The following HEPHL1 variants were observed in gnomAD, a reference collection of about 807,000 sequenced individuals.
The protein encoded by HEPHL1 is hephaestin like 1.
HEPHL1 carries 123 observed loss-of-function variants against 122.0 expected under a neutral mutation model. That is an observed-to-expected ratio of 1.01 (90% CI 0.87 to 1.17). HEPHL1 has a LOEUF of 1.17. Ranked by LOEUF, HEPHL1 falls within the 50% of genes most tolerant of loss-of-function variation. HEPHL1 has a pLI of 0.00. For missense variants in HEPHL1, 1,452 were observed against 1,430.5 expected (o/e 1.01, Z -0.24); for synonymous variants, 527 against 508.9 (o/e 1.04, Z -0.48).
intron 13 of HEPHL1, among the ~76,000 whole-genome samples, chr11:94,100,427 A>G (rs1444321038): frequency 1.3e-5 from 2 of 152,138 alleles, no homozygotes; most frequent in Non-Finnish European, 2.9e-5. Flanking sequence ...ATGCTGCCAC[A>G]GGCCCTCTGA....
At chr11:94,024,951 G>T (rs1591457664) in intron 1 of HEPHL1, among the ~76,000 whole-genome samples, 2 of 152,192 alleles carry the variant, frequency 1.3e-5, no homozygotes, top group Admixed American at 1.3e-4. Flanking sequence ...GAGTTGTTCT[G>T]GTTGTTTTAT....
rs751638993 is a variant in HEPHL1 at position 94,082,449 on chromosome 11, TCA to T, written c.1751_1752del (p.Thr584SerfsTer3). The stretch of plus-strand genomic sequence containing the variant: ...ATAGACAAGGAGTTTTACCTACTGT[TCA>T]CAGTCTTTGATGAGAATCTGAGCAG... On this transcript the variant is annotated frameshift_variant, in exon 10 of 20. Transcript: ENST00000315765. LOFTEE classifies it high-confidence loss of function. 1.1e-5 allele frequency: 18 copies of T among 1,612,494 alleles called. No individual in the cohort carries two copies. Among genetic ancestry groups the T allele is most frequent in the Middle Eastern group, 1.7e-4 (1 of 6,056 alleles).
intron 6 of HEPHL1, among the ~76,000 whole-genome samples, chr11:94,072,753 G>C (rs1025283886): frequency 6.6e-6 from 1 of 152,056 alleles, no homozygotes; most frequent in Non-Finnish European, 1.5e-5. Context: ...TCTACTATTG[G>C]TAAATAAGGA....
At chr11:94,057,064 G>A (rs576753503) in intron 2 of HEPHL1, among the ~76,000 whole-genome samples, 1 of 152,118 alleles carries the variant, frequency 6.6e-6, no homozygotes, top group Admixed American at 6.5e-5. Context: ...TGGCACTTTA[G>A]GTATATCATC....
chr11:94,058,715 A>T lies in HEPHL1; in HGVS notation c.416-4793A>T, dbSNP rs953873871. Among the ~76,000 whole-genome samples, 8 of 152,088 alleles carry T rather than the reference A, an allele frequency of 5.3e-5. No homozygotes were observed. In the South Asian group the frequency reaches 1.2e-3, roughly 24 times the overall value. ...TAAAAATAAATTTTATTGTTTTTTAAATTTTATTTTTATTTTATTTGTTTT... is the reference window on the plus strand; with the variant it reads ...TAAAAATAAATTTTATTGTTTTTTATATTTTATTTTTATTTTATTTGTTTT... On this transcript the variant is annotated intron_variant, in intron 2 of 19. Coordinates refer to ENST00000315765, the MANE Select transcript of HEPHL1 (RefSeq NM_001098672.2).
intron 1 of HEPHL1, among the ~76,000 whole-genome samples, chr11:94,026,227 A>G (rs1163230302): frequency 6.6e-6 from 1 of 152,220 alleles, no homozygotes; most frequent in Non-Finnish European, 1.5e-5. Context: ...GGCAAAAGGT[A>G]GAAGCAGAAC....
At chr11:94,043,949 A>T (rs548023572) in intron 1 of HEPHL1, among the ~76,000 whole-genome samples, 21 of 152,070 alleles carry the variant, frequency 1.4e-4, no homozygotes, top group Non-Finnish European at 2.5e-4. Flanking sequence ...GATAACTGAG[A>T]GAGAATAAAT....
In HEPHL1 at chr11:94,064,298, C is replaced by A. The variant is rs760232801; in HGVS notation, c.629-33C>A. The stretch of plus-strand genomic sequence containing the variant: ...AAGCAAAGCTCATCTTGATTTAGTT[C>A]TTTCTCTCTACTCTTTTGAATGTGC... On this transcript the variant is annotated intron_variant, in intron 3 of 19. Coordinates refer to ENST00000315765, the MANE Select transcript of HEPHL1 (RefSeq NM_001098672.2). 29 of 1,545,366 alleles carry A rather than the reference C, an allele frequency of 1.9e-5. No individual in the cohort carries two copies. The South Asian group carries it at 3.3e-4, about 18-fold the overall frequency.
chr11:94,082,271 T>A, intron 9 of HEPHL1, 147 bp from the exon 10 acceptor site: 1 of 509,274 alleles, frequency 2.0e-6, no homozygotes, highest in Non-Finnish European at 3.4e-6. Flanking sequence ...ACATTCAGTA[T>A]CTTTATTTAA....
chr11:94,107,020 T>C (rs1466912210), intron 17 of HEPHL1, among the ~76,000 whole-genome samples: 1 of 152,060 alleles, frequency 6.6e-6, no homozygotes, highest in African/African-American at 2.4e-5. Flanking sequence ...AAAACCCAAC[T>C]GCCAGGCCCG....
intron 13 of HEPHL1, among the ~76,000 whole-genome samples, chr11:94,100,362 G>A (rs1037288255): frequency 6.6e-6 from 1 of 152,186 alleles, no homozygotes; most frequent in Non-Finnish European, 1.5e-5. Context: ...GAGAGCCATA[G>A]GGATCAGGCA....
At chr11:94,064,168 G>C (rs1946013215) in intron 3 of HEPHL1, among the ~76,000 whole-genome samples, 163 bp from the exon 4 acceptor site, 1 of 152,090 alleles carries the variant, frequency 6.6e-6, no homozygotes, top group African/African-American at 2.4e-5. Flanking sequence ...CTCTTCTATG[G>C]CTCTGTCATC....
intron 1 of HEPHL1, among the ~76,000 whole-genome samples, chr11:94,031,406 G>C (rs1040931367): frequency 1.3e-5 from 2 of 149,740 alleles, no homozygotes; most frequent in Non-Finnish European, 3.0e-5. Flanking sequence ...TCTGCAATTT[G>C]CTTTTTTTTT....
chr11:94,023,545 T>C (rs571804970), intron 1 of HEPHL1, among the ~76,000 whole-genome samples: 1 of 152,114 alleles, frequency 6.6e-6, no homozygotes, highest in Non-Finnish European at 1.5e-5. Flanking sequence ...CAATAAAACA[T>C]ATAAAAATTG....
Position 94,106,269 on chromosome 11 carries a change from G to A in HEPHL1, c.3045+139G>A, listed in dbSNP as rs188275446. ...TGGAACAGAATAATGTGATTGTACC[G>A]TTTCCCTGGTGGATATTTCTTTTCT... On this transcript the variant is annotated intron_variant, in intron 17 of 19. Transcript: ENST00000315765. The A allele has an allele frequency of 1.8e-3, 990 of 546,588 alleles. 5 individuals carry two copies. The highest frequency in any genetic ancestry group is 9.3e-3 in the African/African-American group (481 of 51,598). The allele number at this position is 546,588 out of a possible 1,614,324, so 33.9% of individuals were successfully genotyped here. A position where few individuals can be genotyped will look rare whatever the true frequency, so the allele number is the denominator to read the frequency against.
At chr11:94,065,889 T>C (rs942580313) in intron 4 of HEPHL1, among the ~76,000 whole-genome samples, 2 of 152,152 alleles carry the variant, frequency 1.3e-5, no homozygotes, top group African/African-American at 2.4e-5. Context: ...ACATGTATCA[T>C]AAAAAGAAGC....
chr11:94,113,902 A>ATAAT lies in HEPHL1; in HGVS notation c.*2009_*2012dup, dbSNP rs1215150808. 6.6e-6 allele frequency among the ~76,000 whole-genome samples: 1 copy of ATAAT among 152,216 alleles called. No homozygotes were observed. Among genetic ancestry groups the ATAAT allele is most frequent in the Non-Finnish European group, 1.5e-5 (1 of 68,046 alleles). On this transcript the variant is annotated 3_prime_UTR_variant, in exon 20 of 20. Transcript: ENST00000315765. ...GAAACAAAATAGTGTATCTCCACAA[A>ATAAT]TAATATGACTTCTCAAACATTGTTT...
chr11:94,060,141 T>TAC (rs1945974725), intron 2 of HEPHL1, among the ~76,000 whole-genome samples: 1 of 48,368 alleles, frequency 2.1e-5, no homozygotes, highest in African/African-American at 7.4e-5. Flanking sequence ...TATATATATA[T>TAC]ATATATATAC....
Position 94,111,681 on chromosome 11 carries a change from C to A in HEPHL1, c.3278-11C>A. The A allele has an allele frequency of 6.2e-7, 1 of 1,612,884 alleles. No individual in the cohort carries two copies. Among genetic ancestry groups the A allele is most frequent in the Non-Finnish European group, 8.5e-7 (1 of 1,179,270 alleles). On this transcript the variant is annotated splice_polypyrimidine_tract_variant and intron_variant, in intron 19 of 19. Coordinates refer to ENST00000315765, the MANE Select transcript of HEPHL1 (RefSeq NM_001098672.2). ...AATGTCAGGGGCCTGACAAGTTTATCTTTTTCACAGAACGACCTGGCAAAG... is the reference window on the plus strand; with the variant it reads ...AATGTCAGGGGCCTGACAAGTTTATATTTTTCACAGAACGACCTGGCAAAG...
Sources: gnomAD v4.1 joint callset for allele counts (sites outside exome capture counted in the v4.1 genomes callset) on GRCh38, gnomAD v4.1.1 for gene constraint, MANE v1.5 for transcripts, NCBI Gene and HGNC (gene_info 2026-07-23, HGNC 2026-07-21) for gene names.